The following ZNF385D variants were observed in gnomAD, a reference collection of about 807,000 sequenced individuals.
ZNF385D encodes zinc finger protein 385D, also known as zinc finger protein 659.
ZNF385D carries 15 observed loss-of-function variants against 35.8 expected under a neutral mutation model. That is an observed-to-expected ratio of 0.42 (90% CI 0.28 to 0.64). The LOEUF is 0.64. Ranked by LOEUF, ZNF385D falls within the 30% of genes least tolerant of loss-of-function variation. The pLI, the probability that ZNF385D is intolerant of heterozygous loss-of-function variation, is 0.23. For synonymous variants in ZNF385D, 212 were observed against 186.8 expected (o/e 1.13, Z -1.10); for missense variants, 474 against 494.6 (o/e 0.96, Z 0.39).
rs1234450744 is a variant in ZNF385D at position 21,762,788 on chromosome 3, T to C, written c.326-97760A>G. 3.3e-5 allele frequency among the ~76,000 whole-genome samples: 5 copies of C among 152,162 alleles called. No individual in the cohort carries two copies. The East Asian group carries it at 5.8e-4, about 18-fold the overall frequency. On this transcript the variant is annotated intron_variant, in intron 3 of 5. Coordinates refer to the ZNF385D transcript ENST00000494108. ...GGTTTTGGCCCTTGGTCGTGGACCA[T>C]ATCCAGTGATCAATATGGGATTGAA... is the stretch of plus-strand genomic sequence containing the variant.
At chr3:22,145,912 T>C (rs905113444) in intron 3 of ZNF385D, among the ~76,000 whole-genome samples, 5 of 151,654 alleles carry the variant, frequency 3.3e-5, no homozygotes, top group African/African-American at 1.2e-4. Context: ...GAGAAATGAA[T>C]CATTTTCCCA....
chr3:21,927,922 T>A (rs1022928023), intron 3 of ZNF385D, among the ~76,000 whole-genome samples: 3 of 152,062 alleles, frequency 2.0e-5, no homozygotes, highest in African/African-American at 7.2e-5. Flanking sequence ...AGTAAGGAGA[T>A]AGAATACTGA....
intron 2 of ZNF385D, among the ~76,000 whole-genome samples, chr3:21,604,460 C>T (rs2064415707): frequency 6.6e-6 from 1 of 152,090 alleles, no homozygotes; most frequent in South Asian, 2.1e-4. Context: ...ATTAGTTTGG[C>T]AGTGCTATGC....
intron 3 of ZNF385D, among the ~76,000 whole-genome samples, chr3:22,165,340 T>C (rs6769268): frequency 0.59 from 89,075 of 152,006 alleles, 28,670 homozygotes; most frequent in African/African-American, 0.87. Flanking sequence ...GAAAAAAAGC[T>C]GAGTAGTTTG....
chr3:21,694,872 T>C (rs1235412993), intron 1 of ZNF385D, among the ~76,000 whole-genome samples: 1 of 152,002 alleles, frequency 6.6e-6, no homozygotes, highest in Non-Finnish European at 1.5e-5. Context: ...AAGGAGAATT[T>C]TAAAAAATAG....
chr3:21,599,390 T>C (rs2064217154), intron 2 of ZNF385D, among the ~76,000 whole-genome samples: 1 of 152,248 alleles, frequency 6.6e-6, no homozygotes, highest in Non-Finnish European at 1.5e-5. Flanking sequence ...AAATAATTTC[T>C]ATTTTATACT....
intron 3 of ZNF385D, among the ~76,000 whole-genome samples, chr3:21,773,114 T>A (rs920644075): frequency 6.6e-6 from 1 of 151,742 alleles, no homozygotes; most frequent in Non-Finnish European, 1.5e-5. Flanking sequence ...ATGAAAAGAG[T>A]TAAGGTGATA....
rs73140824 is a variant in ZNF385D, at chr3:21,756,960, T to C, written c.326-91932A>G. ...TCAATTTTATGACCAAATTCTTACT[T>C]GATGTTTCCATACAAATTAAATGCC... is the stretch of plus-strand genomic sequence containing the variant. On this transcript the variant is annotated intron_variant, in intron 3 of 5. Coordinates refer to the ZNF385D transcript ENST00000494108. Among the ~76,000 whole-genome samples the C allele has an allele frequency of 5.6e-3, 846 of 152,276 alleles. 14 individuals carry two copies. Among genetic ancestry groups the C allele is most frequent in the African/African-American group, 0.02 (820 of 41,546 alleles).
chr3:21,793,477 GA>G (rs1416049195), intron 3 of ZNF385D, among the ~76,000 whole-genome samples: 2 of 152,212 alleles, frequency 1.3e-5, no homozygotes, highest in Admixed American at 1.3e-4. Flanking sequence ...TAGACCTAGT[GA>G]ATTAGAATTT....
At chr3:22,201,670 A>G (rs541653902) in intron 2 of ZNF385D, among the ~76,000 whole-genome samples, 2 of 152,112 alleles carry the variant, frequency 1.3e-5, no homozygotes, top group South Asian at 4.1e-4. Context: ...TTTCTCTCAC[A>G]TTTTATGCTG....
rs143024974 is a variant in ZNF385D at position 21,688,357 on chromosome 3, G to C, written c.23-23329C>G. ...TCATTGGTCATTATTGGTATGTCCAGTATTTATTATAAATAAAGCTGACAT... is the reference window on the plus strand; with the variant it reads ...TCATTGGTCATTATTGGTATGTCCACTATTTATTATAAATAAAGCTGACAT... On this transcript the variant is annotated intron_variant, in intron 1 of 7. Transcript: ENST00000281523. 3.3e-5 allele frequency among the ~76,000 whole-genome samples: 5 copies of C among 152,098 alleles called. No homozygotes were observed. The East Asian group carries it at 5.8e-4, about 18-fold the overall frequency.
intron 2 of ZNF385D, among the ~76,000 whole-genome samples, chr3:21,589,981 A>G (rs2063922061): frequency 1.3e-5 from 2 of 152,150 alleles, no homozygotes; most frequent in Admixed American, 1.3e-4. Flanking sequence ...TTTTCTAGGT[A>G]ATAGACTGTA....
intron 3 of ZNF385D, among the ~76,000 whole-genome samples, chr3:21,765,067 C>T (rs1192532985): frequency 6.6e-6 from 1 of 151,992 alleles, no homozygotes; most frequent in Non-Finnish European, 1.5e-5. Context: ...TTTCTTTTTT[C>T]TCTGAAGTTT....
chr3:21,963,274 T>C (rs1358269188), intron 3 of ZNF385D, among the ~76,000 whole-genome samples: 1 of 152,110 alleles, frequency 6.6e-6, no homozygotes, highest in Non-Finnish European at 1.5e-5. Flanking sequence ...GTGGTAGCAT[T>C]GGGTCTATGT....
chr3:21,882,664 A>T (rs960382079), intron 3 of ZNF385D, among the ~76,000 whole-genome samples: 8 of 152,098 alleles, frequency 5.3e-5, no homozygotes, highest in Non-Finnish European at 1.2e-4. Flanking sequence ...AGATCCCCTG[A>T]TTCTCAGACA....
chr3:21,896,715 T>C (rs376169317), intron 3 of ZNF385D, among the ~76,000 whole-genome samples: 1 of 152,190 alleles, frequency 6.6e-6, no homozygotes. Flanking sequence ...TAGTTCCTTT[T>C]TGGGAGTGTC....
At chr3:22,046,628 A>G (rs904443069) in intron 3 of ZNF385D, among the ~76,000 whole-genome samples, 2 of 152,140 alleles carry the variant, frequency 1.3e-5, no homozygotes, top group African/African-American at 4.8e-5. Flanking sequence ...AATTGCAAAT[A>G]TATTGAGATT....
At position 22,320,661 on chromosome 3, in the gene ZNF385D, A is replaced by G. The variant is rs926314870; in HGVS notation, c.106+51789T>C. ...CATTAAATACCAGAATTCTATCACAATATTTAATAGATTAAAACTACAACT... is the reference window on the plus strand; with the variant it reads ...CATTAAATACCAGAATTCTATCACAGTATTTAATAGATTAAAACTACAACT... On this transcript the variant is annotated intron_variant, in intron 2 of 5. Transcript: ENST00000494108. 2.7e-5 allele frequency among the ~76,000 whole-genome samples: 4 copies of G among 150,342 alleles called. No individual in the cohort carries two copies. In the Admixed American group the frequency reaches 2.7e-4, roughly 10 times the overall value.
At chr3:21,665,148 C>T (rs2066366631) in intron 1 of ZNF385D, 120 bp from the exon 2 acceptor site, 9 of 1,277,926 alleles carry the variant, frequency 7.0e-6, no homozygotes. Context: ...AAGACATGGA[C>T]TCTATTGACC....
Sources: allele counts gnomAD v4.1 joint callset (sites outside exome capture counted in the v4.1 genomes callset), GRCh38; gene constraint gnomAD v4.1.1; transcripts MANE v1.5; gene names NCBI Gene and HGNC (gene_info 2026-07-23, HGNC 2026-07-21).